The following FCHSD2 variants were observed in gnomAD, a reference collection of about 807,000 sequenced individuals.
The protein encoded by FCHSD2 is FCH and double SH3 domains 2.
In FCHSD2, 38 loss-of-function variants were observed where a neutral mutation model predicts 108.1. That is an observed-to-expected ratio of 0.35 (90% confidence interval 0.27 to 0.46). FCHSD2 has a LOEUF of 0.46. FCHSD2 is among the 20% of genes least tolerant of loss of function. The pLI is 1.00. For synonymous variants in FCHSD2, 279 were observed against 314.7 expected, an observed-to-expected ratio of 0.89 and a Z score of 1.20; for missense variants, 751 against 897.8, an observed-to-expected ratio of 0.84 and a Z score of 2.09.
intron 2 of FCHSD2, among the ~76,000 whole-genome samples, chr11:73,107,197 G>C (rs895517699): frequency 2.0e-5 from 3 of 152,118 alleles, no homozygotes; most frequent in African/African-American, 7.2e-5. Context: ...TGGGATTACA[G>C]GCATGCGCCA....
intron 8 of FCHSD2, among the ~76,000 whole-genome samples, chr11:72,945,903 C>A (rs1856509569): frequency 6.6e-6 from 1 of 152,166 alleles, no homozygotes; most frequent in Non-Finnish European, 1.5e-5. Flanking sequence ...ACAACTGGTG[C>A]TGGAGGGGAT....
intron 8 of FCHSD2, among the ~76,000 whole-genome samples, chr11:72,978,135 G>T (rs887165396): frequency 6.6e-6 from 1 of 151,972 alleles, no homozygotes; most frequent in African/African-American, 2.4e-5. Flanking sequence ...CACAGGGTGG[G>T]GAACATCACA....
intron 9 of FCHSD2, among the ~76,000 whole-genome samples, chr11:72,913,825 A>C (rs34983470): frequency 0.38 from 34,966 of 90,986 alleles, 4,171 homozygotes; most frequent in East Asian, 0.52. Flanking sequence ...AAAAAAACCC[A>C]AAAAAAAAAC....
intron 14 of FCHSD2, among the ~76,000 whole-genome samples, chr11:72,844,500 A>G (rs1982038): frequency 1 from 151,814 of 152,290 alleles, 75,670 homozygotes; most frequent in Middle Eastern, 1. Flanking sequence ...GACAGCAGCA[A>G]TCCACCAGCA....
At chr11:73,054,030 T>C (rs1221929102) in intron 3 of FCHSD2, among the ~76,000 whole-genome samples, 1 of 152,122 alleles carries the variant, frequency 6.6e-6, no homozygotes, top group African/African-American at 2.4e-5. Context: ...CAACAGATAG[T>C]TTGAGTGCAC....
chr11:72,894,175 C>T (rs981278177), intron 10 of FCHSD2, among the ~76,000 whole-genome samples: 2 of 152,140 alleles, frequency 1.3e-5, no homozygotes, highest in Admixed American at 1.3e-4. Flanking sequence ...GTTGTTAGGC[C>T]AATGGCATAA....
Position 72,873,419 on chromosome 11 carries a change from C to CATT in FCHSD2, c.1147-5396_1147-5394dup, listed in dbSNP as rs1242957615. Among the ~76,000 whole-genome samples the CATT allele has an allele frequency of 7.2e-5, 11 of 151,762 alleles. No homozygotes were observed. The South Asian group carries it at 2.3e-3, about 32-fold the overall frequency. ...GAAATGTCTATTCAGACCCTTTTCC[C>CATT]ATTTTTAAGTTGAGTATTTTTGCCT... On this transcript the variant is annotated intron_variant, in intron 12 of 19. Coordinates refer to ENST00000409418, the MANE Select transcript of FCHSD2 (RefSeq NM_014824.3).
intron 8 of FCHSD2, among the ~76,000 whole-genome samples, chr11:72,925,066 A>T (rs1856050728): frequency 6.6e-6 from 1 of 152,174 alleles, no homozygotes; most frequent in African/African-American, 2.4e-5. Flanking sequence ...CTCAAAAAAA[A>T]ATAAGGCATG....
chr11:73,121,871 AT>A (rs1860742357), intron 2 of FCHSD2, among the ~76,000 whole-genome samples: 1 of 152,320 alleles, frequency 6.6e-6, no homozygotes, highest in South Asian at 2.1e-4. Context: ...ACAAAACTGC[AT>A]TTTTAACAAG....
At chr11:72,977,416 A>G (rs1857123752) in intron 8 of FCHSD2, among the ~76,000 whole-genome samples, 1 of 152,246 alleles carries the variant, frequency 6.6e-6, no homozygotes, top group Non-Finnish European at 1.5e-5. Flanking sequence ...AATGGTAAAA[A>G]ATATTTGTAA....
intron 3 of FCHSD2, among the ~76,000 whole-genome samples, chr11:73,064,537 C>T (rs1042550737): frequency 2.0e-5 from 3 of 151,488 alleles, no homozygotes; most frequent in Admixed American, 1.3e-4. Flanking sequence ...AAATAGACTG[C>T]TTGCCAGACT....
chr11:73,007,752 C>T (rs1165177214), intron 4 of FCHSD2, among the ~76,000 whole-genome samples: 1 of 152,186 alleles, frequency 6.6e-6, no homozygotes, highest in Non-Finnish European at 1.5e-5. Context: ...AATATGCACA[C>T]ACATACACAC....
chr11:73,004,683 T>C (rs899635873), intron 4 of FCHSD2, among the ~76,000 whole-genome samples: 2 of 152,182 alleles, frequency 1.3e-5, no homozygotes, highest in Non-Finnish European at 2.9e-5. Flanking sequence ...TCTAAAACTG[T>C]TTACATCACA....
intron 12 of FCHSD2, among the ~76,000 whole-genome samples, chr11:72,871,916 G>C (rs1162868450): frequency 6.6e-6 from 1 of 151,830 alleles, no homozygotes; most frequent in Non-Finnish European, 1.5e-5. Flanking sequence ...ATTTCCCTCC[G>C]AATTCTCTGC....
intron 8 of FCHSD2, among the ~76,000 whole-genome samples, chr11:72,962,759 A>G (rs1199457729): frequency 1.4e-5 from 2 of 144,910 alleles, no homozygotes; most frequent in Admixed American, 6.8e-5. Flanking sequence ...AGGTTAAAAT[A>G]AAAAAAAAAA....
chr11:73,036,270 T>C (rs1426679861), intron 3 of FCHSD2, among the ~76,000 whole-genome samples: 3 of 151,900 alleles, frequency 2.0e-5, no homozygotes, highest in Non-Finnish European at 2.9e-5. Context: ...AACATAATAA[T>C]TTTGAAATGT....
intron 10 of FCHSD2, among the ~76,000 whole-genome samples, chr11:72,895,937 G>A (rs1855408312): frequency 6.6e-6 from 1 of 152,080 alleles, no homozygotes; most frequent in South Asian, 2.1e-4. Flanking sequence ...AGCAGAAAGA[G>A]CCACCCATAA....
At chr11:72,905,198 T>C (rs1855603282) in intron 9 of FCHSD2, among the ~76,000 whole-genome samples, 1 of 152,202 alleles carries the variant, frequency 6.6e-6, no homozygotes, top group Non-Finnish European at 1.5e-5. Context: ...CGGCTTGTAG[T>C]TGGCCACCTT....
chr11:72,983,815 T>C, intron 8 of FCHSD2: 1 of 532,806 alleles, frequency 1.9e-6, no homozygotes, highest in South Asian at 1.5e-5. Flanking sequence ...TTGTATCTTC[T>C]ACATCAATAA....
Sources: allele counts gnomAD v4.1 joint callset (sites outside exome capture counted in the v4.1 genomes callset), GRCh38; gene constraint gnomAD v4.1.1; transcripts MANE v1.5; gene names NCBI Gene and HGNC (gene_info 2026-07-23, HGNC 2026-07-21).